HDAC9: variants seen among roughly 807,000 people sequenced by gnomAD.
The protein encoded by HDAC9 is MEF-2 interacting transcription repressor (MITR) protein.
Under a neutral mutation model 139.4 loss-of-function variants are expected in HDAC9, and 41 were observed. The ratio of observed to expected loss-of-function variants is 0.29; its 90% CI spans 0.23 to 0.38. HDAC9 has a LOEUF of 0.38. Among genes scored for constraint, HDAC9 ranks in the 10% least tolerant of loss-of-function variants. HDAC9 has a pLI of 1.00. For missense variants in HDAC9, 1,147 were observed against 1,297.0 expected, an observed-to-expected ratio of 0.88 and a Z score of 1.78; for synonymous variants, 517 against 476.2, an observed-to-expected ratio of 1.09 and a Z score of -1.12.
intron 12 of HDAC9, among the ~76,000 whole-genome samples, chr7:18,713,332 T>C (rs920905558): frequency 6.6e-6 from 1 of 152,146 alleles, no homozygotes; most frequent in Non-Finnish European, 1.5e-5. Flanking sequence ...GATGAGTTGA[T>C]AAAAATTATT....
At chr7:18,585,199 A>G in intron 2 of HDAC9, 82 bp from the exon 3 acceptor site, 2 of 1,491,976 alleles carry the variant, frequency 1.3e-6, no homozygotes, top group East Asian at 2.3e-5. Flanking sequence ...TATACTTTTT[A>G]TTTGTTTCCA....
rs536422370 is a variant in HDAC9, at chr7:18,656,932, G to A, written c.1467+8249G>A. ...CGTACGACGGTTCCCCTTTCTCCAC[G>A]TGCTCACCTGCATTCATTACGGGTC... On this transcript the variant is annotated intron_variant, in intron 11 of 25. Transcript: ENST00000686413. Among the ~76,000 whole-genome samples, 61 of 151,640 alleles carry A rather than the reference G, an allele frequency of 4.0e-4. 1 individual carries two copies. Among genetic ancestry groups the A allele is most frequent in the Admixed American group, 3.7e-3 (57 of 15,216 alleles).
chr7:18,596,029 T>C (rs1832386146), intron 6 of HDAC9, among the ~76,000 whole-genome samples: 1 of 152,038 alleles, frequency 6.6e-6, no homozygotes, highest in Non-Finnish European at 1.5e-5. Flanking sequence ...ATGCAAGACA[T>C]TTTCTGTGCC....
intron 1 of HDAC9, among the ~76,000 whole-genome samples, chr7:18,112,039 A>T (rs1028790369): frequency 6.6e-6 from 1 of 152,254 alleles, no homozygotes; most frequent in East Asian, 1.9e-4. Flanking sequence ...TACACTTACA[A>T]TTAAATTGTA....
intron 2 of HDAC9, among the ~76,000 whole-genome samples, chr7:18,558,889 C>T (rs111993912): frequency 8.5e-5 from 13 of 152,304 alleles, no homozygotes; most frequent in African/African-American, 2.9e-4. Flanking sequence ...GCATGGTCAG[C>T]TTTGCTGTTT....
chr7:18,861,671 T>C (rs1447356394), intron 21 of HDAC9, among the ~76,000 whole-genome samples: 1 of 152,188 alleles, frequency 6.6e-6, no homozygotes, highest in African/African-American at 2.4e-5. Flanking sequence ...TGTTACTGGC[T>C]ACGTGACACA....
chr7:18,538,495 T>A (rs923076069), intron 2 of HDAC9, among the ~76,000 whole-genome samples: 3 of 152,230 alleles, frequency 2.0e-5, no homozygotes, highest in African/African-American at 7.2e-5. Flanking sequence ...CAGATATTCA[T>A]ACACTTGAAT....
intron 23 of HDAC9, chr7:18,949,061 G>C: frequency 2.6e-6 from 1 of 386,526 alleles, no homozygotes; most frequent in South Asian, 2.1e-5. Context: ...TACAGAACTA[G>C]GTCCTTTTAG....
chr7:18,766,024 G>A (rs1584999643), intron 15 of HDAC9, among the ~76,000 whole-genome samples: 1 of 152,100 alleles, frequency 6.6e-6, no homozygotes, highest in African/African-American at 2.4e-5. Flanking sequence ...AAAACAAACT[G>A]TCTTCTGTGA....
intron 12 of HDAC9, among the ~76,000 whole-genome samples, chr7:18,682,283 G>A (rs1178222): frequency 0.99 from 151,058 of 152,204 alleles, 74,965 homozygotes; most frequent in Middle Eastern, 1. Flanking sequence ...AATGCTTTCT[G>A]TCATCATTTC....
At chr7:18,409,954 G>C (rs1021547173) in intron 1 of HDAC9, among the ~76,000 whole-genome samples, 1 of 152,146 alleles carries the variant, frequency 6.6e-6, no homozygotes, top group Non-Finnish European at 1.5e-5. Context: ...GAAAAGGGTA[G>C]TAAAGTGAAC....
intron 1 of HDAC9, among the ~76,000 whole-genome samples, chr7:18,434,344 G>C (rs768996496): frequency 2.0e-5 from 3 of 152,194 alleles, no homozygotes; most frequent in Non-Finnish European, 4.4e-5. Flanking sequence ...ATAGGCCCTG[G>C]CAAAGACTTC....
rs562157801 is a variant in HDAC9, at chr7:18,256,445, T to G, written c.25+94096T>G. 1.8e-4 allele frequency among the ~76,000 whole-genome samples: 27 copies of G among 152,270 alleles called. No individual in the cohort carries two copies. In the South Asian group the frequency reaches 5.4e-3, roughly 30 times the overall value. On this transcript the variant is annotated intron_variant, in intron 2 of 12. Coordinates refer to the HDAC9 transcript ENST00000417496. ...TTGAAAGGACCTCTAACTCCAAAAC[T>G]GAGTAATGAAATTGATGGTGTATTA...
chr7:18,910,010 T>G (rs994465927), intron 22 of HDAC9, among the ~76,000 whole-genome samples: 1 of 151,918 alleles, frequency 6.6e-6, no homozygotes, highest in Non-Finnish European at 1.5e-5. Flanking sequence ...AGAATGATAT[T>G]TCTACCTAGA....
intron 2 of HDAC9, chr7:18,162,443 A>C: frequency 8.0e-7 from 1 of 1,246,614 alleles, no homozygotes; most frequent in Non-Finnish European, 1.1e-6. Flanking sequence ...TTATGAAGGA[A>C]CTTTTTTTTT....
At chr7:18,690,779 G>T (rs1782617225) in intron 12 of HDAC9, among the ~76,000 whole-genome samples, 1 of 151,874 alleles carries the variant, frequency 6.6e-6, no homozygotes, top group East Asian at 1.9e-4. Flanking sequence ...AAGACGTACG[G>T]CATGCAACTA....
chr7:18,209,455 T>G (rs1183148061), intron 2 of HDAC9, among the ~76,000 whole-genome samples: 1 of 152,192 alleles, frequency 6.6e-6, no homozygotes, highest in Admixed American at 6.5e-5. Flanking sequence ...TTCTGACTTT[T>G]ACTTAAGATA....
chr7:18,517,865 A>G (rs1274910513), intron 2 of HDAC9: 1 of 152,190 alleles, frequency 6.6e-6, no homozygotes, highest in Non-Finnish European at 1.5e-5. Context: ...GAAACTCCTG[A>G]CTATACTTCT....
In HDAC9 at chr7:18,848,091, C is replaced by T. The variant is rs76553530; in HGVS notation, c.2684+12094C>T. Among the ~76,000 whole-genome samples the T allele has an allele frequency of 3.5e-4, 53 of 152,240 alleles. No homozygotes were observed. The East Asian group carries it at 9.5e-3, about 27-fold the overall frequency. On this transcript the variant is annotated intron_variant, in intron 21 of 25. Coordinates refer to ENST00000686413, the MANE Select transcript of HDAC9 (RefSeq NM_178425.4). ...TGCACAGGTGGACTGGGTCCTAGGT[C>T]TCCACTAGGATGATGTGTGTCTGGG...
Sources: gnomAD v4.1 joint callset for allele counts (sites outside exome capture counted in the v4.1 genomes callset) on GRCh38, gnomAD v4.1.1 for gene constraint, MANE v1.5 for transcripts, NCBI Gene and HGNC (gene_info 2026-07-23, HGNC 2026-07-21) for gene names.